NELL1: variants seen among roughly 807,000 people sequenced by gnomAD.
NELL1 encodes protein kinase C-binding protein NELL1.
NELL1 carries 76 observed loss-of-function variants against 107.4 expected under a neutral mutation model. The observed-to-expected ratio is 0.71, with a 90% confidence interval of 0.59 to 0.86. The LOEUF is 0.86. Among genes scored for constraint, NELL1 ranks in the 40% least tolerant of loss-of-function variants. The pLI is 0.00. For synonymous variants in NELL1, 353 were observed against 341.2 expected (o/e 1.03, Z -0.38); for missense variants, 1,024 against 1,005.5 (o/e 1.02, Z -0.25).
At chr11:20,949,358 T>C (rs1290830050) in intron 11 of NELL1, among the ~76,000 whole-genome samples, 1 of 152,206 alleles carries the variant, frequency 6.6e-6, no homozygotes, top group Non-Finnish European at 1.5e-5. Flanking sequence ...CATCAGAATA[T>C]CTTCCTTGAT....
intron 12 of NELL1, among the ~76,000 whole-genome samples, chr11:21,063,456 C>T (rs983843355): frequency 2.0e-5 from 3 of 152,194 alleles, no homozygotes; most frequent in African/African-American, 7.2e-5. Context: ...TCCCAACCCT[C>T]TAATTATAGG....
At chr11:21,495,888 T>C (rs1011356428) in intron 15 of NELL1, among the ~76,000 whole-genome samples, 1 of 152,042 alleles carries the variant, frequency 6.6e-6, no homozygotes, top group Admixed American at 6.6e-5. Flanking sequence ...ACTATATTAA[T>C]ATTTTATTTA....
chr11:21,305,196 A>G (rs915401223), intron 14 of NELL1, among the ~76,000 whole-genome samples: 2 of 152,042 alleles, frequency 1.3e-5, no homozygotes, highest in African/African-American at 4.8e-5. Flanking sequence ...TTATGCTCAA[A>G]TGTATGGTCA....
intron 3 of NELL1, among the ~76,000 whole-genome samples, chr11:20,843,864 A>G (rs1848660660): frequency 6.6e-6 from 1 of 152,118 alleles, no homozygotes. Context: ...AGTTCATGAT[A>G]ATACTGATTG....
intron 15 of NELL1, among the ~76,000 whole-genome samples, chr11:21,408,967 A>T (rs10734297): frequency 0.66 from 98,872 of 149,004 alleles, 32,676 homozygotes; most frequent in Middle Eastern, 0.71. Flanking sequence ...ATAGGAACAC[A>T]TTTACACTGT....
intron 12 of NELL1, among the ~76,000 whole-genome samples, chr11:21,016,155 G>T (rs1018707950): frequency 2.6e-4 from 40 of 152,056 alleles, no homozygotes; most frequent in African/African-American, 9.7e-4. Context: ...TCTCTTGTGT[G>T]TTAGGACCGA....
At chr11:20,726,091 A>G (rs991142861) in intron 2 of NELL1, among the ~76,000 whole-genome samples, 9 of 152,116 alleles carry the variant, frequency 5.9e-5, no homozygotes, top group African/African-American at 2.2e-4. Flanking sequence ...CTTTTTTATG[A>G]CTGCATAATA....
chr11:20,724,079 G>C (rs1271269733), intron 2 of NELL1, among the ~76,000 whole-genome samples: 1 of 96,380 alleles, frequency 1.0e-5, no homozygotes, highest in Admixed American at 1.2e-4. Flanking sequence ...ATGTCCTGAG[G>C]CTGCACAGAG....
At chr11:21,272,824 A>G (rs1848768804) in intron 14 of NELL1, among the ~76,000 whole-genome samples, 1 of 152,242 alleles carries the variant, frequency 6.6e-6, no homozygotes, top group Non-Finnish European at 1.5e-5. Context: ...AAACTCCAAC[A>G]GACCTGCAGC....
intron 11 of NELL1, among the ~76,000 whole-genome samples, chr11:20,951,967 T>C (rs1851077403): frequency 6.6e-6 from 1 of 151,930 alleles, no homozygotes; most frequent in Non-Finnish European, 1.5e-5. Flanking sequence ...ACATCTGGGC[T>C]CCTGCCTGGG....
chr11:20,784,586 G>C (rs1052837603), intron 3 of NELL1, among the ~76,000 whole-genome samples: 1 of 152,162 alleles, frequency 6.6e-6, no homozygotes, highest in African/African-American at 2.4e-5. Context: ...CCAGATCATC[G>C]CAAAGCTTCA....
intron 15 of NELL1, among the ~76,000 whole-genome samples, chr11:21,404,320 T>G (rs983464771): frequency 4.6e-5 from 7 of 152,110 alleles, no homozygotes; most frequent in South Asian, 2.1e-4. Flanking sequence ...GATTTTATTC[T>G]TGCTGTCCTT....
intron 2 of NELL1, among the ~76,000 whole-genome samples, chr11:20,700,581 C>T (rs1476787566): frequency 6.6e-6 from 1 of 152,012 alleles, no homozygotes; most frequent in Non-Finnish European, 1.5e-5. Flanking sequence ...CATGTGTATA[C>T]ATGTGCCATG....
chr11:20,756,431 T>C (rs960753348), intron 2 of NELL1, among the ~76,000 whole-genome samples: 1 of 151,232 alleles, frequency 6.6e-6, no homozygotes, highest in East Asian at 2.0e-4. Flanking sequence ...CTCCGCCTCC[T>C]GGGTTCACGC....
chr11:20,715,572 A>G (rs1855230916), intron 2 of NELL1, among the ~76,000 whole-genome samples: 1 of 152,214 alleles, frequency 6.6e-6, no homozygotes, highest in Non-Finnish European at 1.5e-5. Context: ...AGTGGAAAGG[A>G]ATAAATAAGT....
At chr11:21,420,917 C>G (rs1852649513) in intron 15 of NELL1, among the ~76,000 whole-genome samples, 2 of 151,912 alleles carry the variant, frequency 1.3e-5, no homozygotes, top group African/African-American at 2.4e-5. Flanking sequence ...AATAAAAGAC[C>G]CTTAGGTACT....
intron 14 of NELL1, among the ~76,000 whole-genome samples, chr11:21,253,793 C>CA (rs554572255): frequency 2.6e-5 from 4 of 151,836 alleles, no homozygotes; most frequent in Non-Finnish European, 5.9e-5. Context: ...TAAAACAAAA[C>CA]AAAAAAACAC....
Position 20,783,742 on chromosome 11 carries a change from A to C in NELL1, c.247A>C (p.Asn83His), listed in dbSNP as rs748633299. The C allele has an allele frequency of 4.3e-6, 7 of 1,613,896 alleles. No homozygotes were observed. The highest frequency in any genetic ancestry group is 2.2e-5 in the South Asian group (2 of 91,084). The change falls in exon 3 of 20, where the codon AAC (asparagine) becomes CAC (histidine). Residue 83 changes from asparagine to histidine, a missense_variant. Coordinates refer to ENST00000357134, the MANE Select transcript of NELL1 (RefSeq NM_006157.5). ...VSEKLIQLFR[N>H]KSEFTILATV... Reference sequence around the variant, plus strand: ...TGAGAAATTAATTCAGCTGTTCCGGAACAAGAGTGAATTCACCATTTTGGC... The same window carrying C: ...TGAGAAATTAATTCAGCTGTTCCGGCACAAGAGTGAATTCACCATTTTGGC...
chr11:20,968,680 G>A (rs951888269), intron 12 of NELL1, among the ~76,000 whole-genome samples: 4 of 152,134 alleles, frequency 2.6e-5, no homozygotes, highest in African/African-American at 4.8e-5. Flanking sequence ...GCTGTTTATA[G>A]AAAATTGGTT....
Sources: gnomAD v4.1 joint callset for allele counts (sites outside exome capture counted in the v4.1 genomes callset) on GRCh38, gnomAD v4.1.1 for gene constraint, MANE v1.5 for transcripts, NCBI Gene and HGNC (gene_info 2026-07-23, HGNC 2026-07-21) for gene names.